EFNA5: variants seen among roughly 807,000 people sequenced by gnomAD.
EFNA5 encodes the protein ephrin-A5.
Under a neutral mutation model 22.9 loss-of-function variants are expected in EFNA5, and 5 were observed. The observed-to-expected ratio is 0.22, with a 90% confidence interval of 0.11 to 0.46. The LOEUF is 0.46. EFNA5 is among the 20% of genes least tolerant of loss of function. EFNA5 has a pLI of 0.99. For missense variants in EFNA5, 237 were observed against 293.3 expected, an observed-to-expected ratio of 0.81 and a Z score of 1.40; for synonymous variants, 113 against 112.2, an observed-to-expected ratio of 1.01 and a Z score of -0.04.
chr5:107,659,659 A>G (rs1750903578), intron 1 of EFNA5, among the ~76,000 whole-genome samples: 2 of 151,808 alleles, frequency 1.3e-5, no homozygotes, highest in African/African-American at 4.8e-5. Flanking sequence ...CCAGATGTCA[A>G]TGAAAAATCT....
At chr5:107,455,409 T>C (rs950763282) in intron 1 of EFNA5, among the ~76,000 whole-genome samples, 5 of 152,278 alleles carry the variant, frequency 3.3e-5, no homozygotes, top group African/African-American at 1.2e-4. Flanking sequence ...ATTAGTGAGA[T>C]AGAAAAAAAT....
intron 2 of EFNA5, among the ~76,000 whole-genome samples, chr5:107,423,166 C>T (rs1748716123): frequency 6.6e-6 from 1 of 152,106 alleles, no homozygotes; most frequent in South Asian, 2.1e-4. Context: ...TGAAATGATT[C>T]TCTCAAGATC....
intron 1 of EFNA5, among the ~76,000 whole-genome samples, chr5:107,540,332 A>G (rs188406952): frequency 9.2e-5 from 14 of 152,344 alleles, no homozygotes; most frequent in East Asian, 3.9e-4. Flanking sequence ...ACCTGTTTAT[A>G]TAAGTTTGCT....
intron 2 of EFNA5, among the ~76,000 whole-genome samples, chr5:107,425,632 AT>A (rs1748791615): frequency 1.3e-5 from 2 of 152,218 alleles, no homozygotes; most frequent in Admixed American, 6.5e-5. Context: ...CAAATGTGAG[AT>A]AGTATCAAGG....
At chr5:107,627,481 T>C (rs1750166018) in intron 1 of EFNA5, among the ~76,000 whole-genome samples, 2 of 152,040 alleles carry the variant, frequency 1.3e-5, no homozygotes, top group Admixed American at 1.3e-4. Context: ...TTAAAGAGTA[T>C]TAAGCCACAT....
At chr5:107,622,551 T>C (rs1215046113) in intron 1 of EFNA5, among the ~76,000 whole-genome samples, 2 of 152,202 alleles carry the variant, frequency 1.3e-5, no homozygotes, top group Non-Finnish European at 2.9e-5. Flanking sequence ...TAATAATGGC[T>C]ACCACTTACT....
chr5:107,417,439 G>A lies in EFNA5; in HGVS notation c.418+9778C>T, dbSNP rs138482054. The stretch of plus-strand genomic sequence containing the variant: ...TTATACAATCTGACTTAAAATATTC[G>A]ATGGAAAAGAAGCCTGTTGCCAAAG... On this transcript the variant is annotated intron_variant, in intron 2 of 4. Coordinates refer to ENST00000333274, the MANE Select transcript of EFNA5 (RefSeq NM_001962.3). 4.8e-3 allele frequency among the ~76,000 whole-genome samples: 737 copies of A among 152,136 alleles called. 9 individuals are homozygous for A. The highest frequency in any genetic ancestry group is 0.017 in the African/African-American group (698 of 41,506).
intron 1 of EFNA5, among the ~76,000 whole-genome samples, chr5:107,539,546 C>A (rs1338972638): frequency 1.3e-5 from 2 of 152,150 alleles, no homozygotes; most frequent in African/African-American, 4.8e-5. Context: ...GCAACCTCTG[C>A]CTCCCGGGTT....
In EFNA5 at chr5:107,602,987, C is replaced by T. The variant is rs535835828; in HGVS notation, c.125+67502G>A. ...AGGCTAAACCTACAGACCTCGAAGG[C>T]TCCCGAGTGCATTCCGGTATTACCA... On this transcript the variant is annotated intron_variant, in intron 1 of 4. Transcript: ENST00000333274. Among the ~76,000 whole-genome samples, 261 of 152,290 alleles carry T rather than the reference C, an allele frequency of 1.7e-3. 2 individuals are homozygous for T. The highest frequency in any genetic ancestry group is 6.2e-3 in the African/African-American group (256 of 41,550).
intron 1 of EFNA5, among the ~76,000 whole-genome samples, chr5:107,431,064 G>T (rs1055254296): frequency 2.0e-5 from 3 of 152,074 alleles, no homozygotes; most frequent in African/African-American, 7.2e-5. Context: ...GTGAGCCACC[G>T]CGCCCGGCCA....
At chr5:107,549,093 A>C (rs1165589062) in intron 1 of EFNA5, among the ~76,000 whole-genome samples, 1 of 152,232 alleles carries the variant, frequency 6.6e-6, no homozygotes, top group Non-Finnish European at 1.5e-5. Flanking sequence ...CTAGAGAAGT[A>C]AAAATTCATT....
intron 1 of EFNA5, among the ~76,000 whole-genome samples, chr5:107,600,216 T>C (rs1201587526): frequency 3.3e-5 from 5 of 152,108 alleles, no homozygotes; most frequent in Admixed American, 3.3e-4. Context: ...AAGAGATGAA[T>C]TGCAGTAAGA....
chr5:107,390,243 T>C (rs1747749566), intron 2 of EFNA5, among the ~76,000 whole-genome samples: 1 of 152,244 alleles, frequency 6.6e-6, no homozygotes, highest in African/African-American at 2.4e-5. Flanking sequence ...TAACGTTTAA[T>C]AAAGTTAAAG....
intron 2 of EFNA5, among the ~76,000 whole-genome samples, chr5:107,390,266 C>A (rs999581375): frequency 6.6e-6 from 1 of 152,172 alleles, no homozygotes; most frequent in African/African-American, 2.4e-5. Flanking sequence ...TGGCTTTCCT[C>A]TATGTTATGC....
At chr5:107,506,949 C>G (rs152560) in intron 1 of EFNA5, among the ~76,000 whole-genome samples, 1 of 151,842 alleles carries the variant, frequency 6.6e-6, no homozygotes, top group Non-Finnish European at 1.5e-5. Flanking sequence ...TATTATCCTA[C>G]GGGCTAAGAA....
chr5:107,579,368 G>A (rs1748992847), intron 1 of EFNA5, among the ~76,000 whole-genome samples: 1 of 152,078 alleles, frequency 6.6e-6, no homozygotes, highest in Admixed American at 6.6e-5. Flanking sequence ...AAAAATAGTG[G>A]CCATTACTGT....
At chr5:107,476,735 T>TTCTCTC (rs34563371) in intron 1 of EFNA5, among the ~76,000 whole-genome samples, 6,547 of 148,066 alleles carry the variant, frequency 0.044, 442 homozygotes, top group African/African-American at 0.15. Context: ...TTTTTTCTCT[T>TTCTCTC]TCTCTCTCTC....
At chr5:107,532,821 C>A (rs757049837) in intron 1 of EFNA5, among the ~76,000 whole-genome samples, 1 of 152,142 alleles carries the variant, frequency 6.6e-6, no homozygotes, top group African/African-American at 2.4e-5. Context: ...ACAGTCTAAA[C>A]AACCTCATAA....
intron 1 of EFNA5, among the ~76,000 whole-genome samples, chr5:107,667,162 T>C (rs1203865345): frequency 6.6e-6 from 1 of 152,084 alleles, no homozygotes; most frequent in Non-Finnish European, 1.5e-5. Flanking sequence ...AGAAGATCTA[T>C]TTAGGCAAAT....
Sources: allele counts gnomAD v4.1 joint callset (sites outside exome capture counted in the v4.1 genomes callset), GRCh38; gene constraint gnomAD v4.1.1; transcripts MANE v1.5; gene names NCBI Gene and HGNC (gene_info 2026-07-23, HGNC 2026-07-21).